The following RASGRP3 variants were observed in gnomAD, a reference collection of about 807,000 sequenced individuals.
The protein encoded by RASGRP3 is ras guanyl-releasing protein 3.
A neutral mutation model predicts 82.7 loss-of-function variants in RASGRP3; 54 were observed. The observed-to-expected ratio is 0.65, with a 90% CI of 0.52 to 0.82. The LOEUF (loss-of-function observed/expected upper bound fraction) is 0.82. Ranked by LOEUF, RASGRP3 falls within the 40% of genes least tolerant of loss-of-function variation. RASGRP3 has a pLI of 0.00. For missense variants in RASGRP3, 861 were observed against 828.9 expected, an observed-to-expected ratio of 1.04 and a Z score of -0.48; for synonymous variants, 309 against 300.5, an observed-to-expected ratio of 1.03 and a Z score of -0.29.
At chr2:33,459,055 C>G (rs755704377) in intron 2 of RASGRP3, among the ~76,000 whole-genome samples, 2 of 151,974 alleles carry the variant, frequency 1.3e-5, no homozygotes. Flanking sequence ...ATAAATATGC[C>G]TGGTGGGATA....
intron 2 of RASGRP3, among the ~76,000 whole-genome samples, 154 bp downstream of exon 2, chr2:33,511,996 AAAT>A (rs1310020714): frequency 2.6e-5 from 4 of 152,264 alleles, no homozygotes; most frequent in Non-Finnish European, 5.9e-5. Flanking sequence ...GTCCTGTTTT[AAAT>A]AATAAGTGTA....
At chr2:33,479,148 C>T (rs1276108987) in intron 1 of RASGRP3, among the ~76,000 whole-genome samples, 2 of 152,222 alleles carry the variant, frequency 1.3e-5, no homozygotes, top group Non-Finnish European at 2.9e-5. Context: ...TGATTACACA[C>T]ACAATGTGTG....
At chr2:33,441,761 T>A (rs187343830) in intron 1 of RASGRP3, among the ~76,000 whole-genome samples, 637 of 152,354 alleles carry the variant, frequency 4.2e-3, no homozygotes, top group Non-Finnish European at 6.3e-3. Flanking sequence ...ATTCTAAATA[T>A]TTACTTCAAA....
intron 1 of RASGRP3, among the ~76,000 whole-genome samples, chr2:33,505,254 G>C (rs976601724): frequency 6.6e-6 from 1 of 151,708 alleles, no homozygotes; most frequent in African/African-American, 2.4e-5. Flanking sequence ...TTATTTCAGG[G>C]AATTTGAGAC....
intron 12 of RASGRP3, among the ~76,000 whole-genome samples, chr2:33,540,558 G>GT: frequency 8.5e-5 from 1 of 11,816 alleles, no homozygotes; most frequent in East Asian, 1.2e-3. Context: ...TGTGTGTTTT[G>GT]TGTGTGTGTG....
chr2:33,526,054 CT>C (rs1160655309), intron 9 of RASGRP3, among the ~76,000 whole-genome samples: 2 of 152,220 alleles, frequency 1.3e-5, no homozygotes, highest in Non-Finnish European at 2.9e-5. Flanking sequence ...GGGAAGACTA[CT>C]CACTTCAACT....
intron 1 of RASGRP3, among the ~76,000 whole-genome samples, chr2:33,490,933 T>C (rs1668791708): frequency 6.6e-6 from 1 of 152,240 alleles, no homozygotes; most frequent in Non-Finnish European, 1.5e-5. Context: ...ATGATTTGGA[T>C]ACTGGGCCTA....
intron 7 of RASGRP3, 127 bp from the exon 8 acceptor site, chr2:33,523,752 G>A: frequency 1.9e-6 from 2 of 1,027,772 alleles, no homozygotes; most frequent in Non-Finnish European, 2.8e-6. Context: ...GGATGCCATT[G>A]TAAATGTGAA....
chr2:33,479,621 G>A (rs1048281635), intron 1 of RASGRP3, among the ~76,000 whole-genome samples: 1 of 152,144 alleles, frequency 6.6e-6, no homozygotes, highest in African/African-American at 2.4e-5. Context: ...TGGTGAGGGA[G>A]GAGAGGTATG....
At chr2:33,531,145 A>T (rs1204845119) in intron 10 of RASGRP3, among the ~76,000 whole-genome samples, 1 of 152,224 alleles carries the variant, frequency 6.6e-6, no homozygotes, top group Non-Finnish European at 1.5e-5. Flanking sequence ...ATTTTATGAT[A>T]AACAGTCAAG....
intron 1 of RASGRP3, among the ~76,000 whole-genome samples, chr2:33,483,645 T>C (rs1362083100): frequency 6.6e-6 from 1 of 152,048 alleles, no homozygotes; most frequent in Non-Finnish European, 1.5e-5. Context: ...CCTGCCACCA[T>C]GCCTGGCTAA....
intron 7 of RASGRP3, 108 bp from the exon 8 acceptor site, chr2:33,523,771 A>C: frequency 9.0e-7 from 1 of 1,107,226 alleles, no homozygotes; most frequent in Non-Finnish European, 1.3e-6. Flanking sequence ...AAATAAAAGA[A>C]ATTGTGTTGT....
chr2:33,485,018 G>A (rs1244699520), intron 1 of RASGRP3, among the ~76,000 whole-genome samples: 2 of 152,144 alleles, frequency 1.3e-5, no homozygotes, highest in Non-Finnish European at 2.9e-5. Flanking sequence ...GACCAACAAG[G>A]AGAAACCCAG....
chr2:33,496,212 G>T (rs1471065186), intron 1 of RASGRP3, among the ~76,000 whole-genome samples: 2 of 152,194 alleles, frequency 1.3e-5, no homozygotes, highest in Non-Finnish European at 2.9e-5. Context: ...TTATTTGTAT[G>T]TCTTTAAATA....
intron 1 of RASGRP3, among the ~76,000 whole-genome samples, chr2:33,499,167 C>T (rs1465598691): frequency 6.6e-6 from 1 of 152,164 alleles, no homozygotes; most frequent in Non-Finnish European, 1.5e-5. Flanking sequence ...TCACCCCATC[C>T]CTGGTCCTAG....
intron 1 of RASGRP3, among the ~76,000 whole-genome samples, chr2:33,441,665 T>C (rs1004068701): frequency 6.6e-5 from 10 of 152,242 alleles, no homozygotes; most frequent in Admixed American, 3.9e-4. Context: ...CTTCACCTGT[T>C]TACCATTTTA....
intron 1 of RASGRP3, among the ~76,000 whole-genome samples, chr2:33,496,135 G>C (rs1188055823): frequency 6.6e-6 from 1 of 152,224 alleles, no homozygotes; most frequent in East Asian, 1.9e-4. Context: ...TGTAGTTGCT[G>C]AGTGAGGTAG....
chr2:33,477,566 GA>G (rs1160161405), intron 1 of RASGRP3, among the ~76,000 whole-genome samples: 2 of 152,222 alleles, frequency 1.3e-5, no homozygotes, highest in Non-Finnish European at 2.9e-5. Context: ...AAATTACGGA[GA>G]GAACCGGCTC....
intron 2 of RASGRP3, among the ~76,000 whole-genome samples, chr2:33,465,985 AAG>A (rs1259093981): frequency 5.3e-5 from 8 of 149,646 alleles, no homozygotes; most frequent in Admixed American, 3.3e-4. Context: ...AAAAAAAAAA[AAG>A]GAAGGATTCC....
Sources: gnomAD v4.1 joint callset for allele counts (sites outside exome capture counted in the v4.1 genomes callset) on GRCh38, gnomAD v4.1.1 for gene constraint, MANE v1.5 for transcripts, NCBI Gene and HGNC (gene_info 2026-07-23, HGNC 2026-07-21) for gene names.